Variants in TNFAIP1 observed in about 807,000 individuals in gnomAD.
TNFAIP1 encodes TNF alpha induced protein 1.
A neutral mutation model predicts 32.6 loss-of-function variants in TNFAIP1; 20 were observed. The ratio of observed to expected loss-of-function variants is 0.61; its 90% CI spans 0.43 to 0.89. The LOEUF (loss-of-function observed/expected upper bound fraction) is 0.89, where lower values mean the gene tolerates loss of function less well. Ranked by LOEUF, TNFAIP1 falls within the 40% of genes least tolerant of loss-of-function variation. TNFAIP1 has a pLI of 0.00. For missense variants in TNFAIP1, 319 were observed against 425.1 expected, an observed-to-expected ratio of 0.75 and a Z score of 2.20; for synonymous variants, 166 against 166.8, an observed-to-expected ratio of 1.00 and a Z score of 0.04.
At chr17:28,339,011 G>A (rs1555577729) in intron 1 of TNFAIP1, among the ~76,000 whole-genome samples, 4 of 150,190 alleles carry the variant, frequency 2.7e-5, no homozygotes, top group African/African-American at 4.9e-5. Context: ...TGGGCGGATC[G>A]CCTGCGCTCA....
At position 28,342,547 on chromosome 17, in the gene TNFAIP1, C is replaced by T. The variant is rs936839597; in HGVS notation, c.714+105C>T. The T allele has an allele frequency of 8.5e-7, 1 of 1,181,562 alleles. No homozygotes were observed. Among genetic ancestry groups the T allele is most frequent in the Non-Finnish European group, 1.1e-6 (1 of 871,256 alleles). 73.2% of individuals were successfully genotyped at this position (1,181,562 alleles called of 1,614,324 possible). ...CGGAGCAAAAGGGGCATGGACTTGG[C>T]TCTTTTTTCCAAACACGGTAATGGT... On this transcript the variant is annotated intron_variant, in intron 6 of 6. Transcript: ENST00000226225. This position sits in a 1 kb window ranked among gnomAD's most constrained non-coding sequence, Gnocchi z 4.0.
Position 28,344,877 on chromosome 17 carries a change from A to C in TNFAIP1, c.*277A>C. The C allele has an allele frequency of 2.0e-6, 1 of 500,634 alleles. No individual in the cohort carries two copies. The highest frequency in any genetic ancestry group is 3.6e-6 in the Non-Finnish European group (1 of 274,184). The allele number at this position is 500,634 out of a possible 1,614,324, so 31.0% of individuals were successfully genotyped here. On this transcript the variant is annotated 3_prime_UTR_variant, in exon 7 of 7. Transcript: ENST00000226225. ...TCTGCTCCCTGGGGCATATGGACTG[A>C]CCCACCTCCTGCTGAGAACCTTCCC...
chr17:28,344,644 T>C lies in TNFAIP1; in HGVS notation c.*44T>C. ...AGGGCACGGGAGGCCCTATCTCCCA[T>C]CCTGTGGAACCCGCCCCATTGGCCA... On this transcript the variant is annotated 3_prime_UTR_variant, in exon 7 of 7. Transcript: ENST00000226225. 6.3e-7 allele frequency: 1 copy of C among 1,590,916 alleles called. No individual in the cohort carries two copies. The highest frequency in any genetic ancestry group is 8.6e-7 in the Non-Finnish European group (1 of 1,167,488).
chr17:28,341,177 C>A (rs3093721), intron 3 of TNFAIP1, 60 bp from the exon 4 acceptor site: 34 of 1,591,558 alleles, frequency 2.1e-5, no homozygotes, highest in Non-Finnish European at 2.8e-5. Flanking sequence ...CAGAGGTATA[C>A]CTCGATAAGC....
chr17:28,338,527 C>G (rs941093957), intron 1 of TNFAIP1, among the ~76,000 whole-genome samples: 9 of 152,080 alleles, frequency 5.9e-5, no homozygotes, highest in African/African-American at 1.7e-4. Context: ...GCCGGCACCC[C>G]CGACCCTGGC....
chr17:28,342,439 C>A lies in TNFAIP1; in HGVS notation c.711C>A (p.Thr237=), dbSNP rs1555578319. ...TGTATGCCACGGAGAAGAAGCAGAC[C>A]AAGGTGTGGGGGATTGCCCCTGCCT... ...SIVYATEKKQ[T]KVEFPEARIY... is the part of the protein sequence containing the mutation. The change falls in exon 6 of 7, where the codon ACC becomes ACA. Residue 237 remains threonine, a synonymous_variant. Transcript: ENST00000226225. The surrounding 1 kb of genome is among the most constrained non-coding windows in gnomAD (Gnocchi z 4.0). 6.3e-7 allele frequency: 1 copy of A among 1,580,394 alleles called. No individual in the cohort carries two copies. The highest frequency in any genetic ancestry group is 1.1e-5 in the South Asian group (1 of 89,768).
Position 28,340,500 on chromosome 17 carries a change from G to A in TNFAIP1, c.375+22G>A, listed in dbSNP as rs1907326611. ...GCAGGTACATGGGTGGGGCGGAGCA[G>A]GGCGGGCAGATGAGGTCAGGAGTTG... On this transcript the variant is annotated intron_variant, in intron 3 of 6. Transcript: ENST00000226225. The surrounding 1 kb of genome is among the most constrained non-coding windows in gnomAD (Gnocchi z 4.1). 6.2e-7 allele frequency: 1 copy of A among 1,612,238 alleles called. No individual in the cohort carries two copies. Among genetic ancestry groups the A allele is most frequent in the African/African-American group, 1.3e-5 (1 of 74,892 alleles).
At chr17:28,344,305 A>G in intron 6 of TNFAIP1, 59 bp from the exon 7 acceptor site, 4 of 1,493,268 alleles carry the variant, frequency 2.7e-6, no homozygotes, top group Non-Finnish European at 3.7e-6. Context: ...AGCCGCTCTG[A>G]CGCATGGCTT....
rs1555577831 is a variant in TNFAIP1 at position 28,339,611 on chromosome 17, C to A, written c.90C>A (p.Val30=). ...GAGGAGGGTTGGGCAACAAGTATGTCCAGCTCAACGTGGGCGGCTCTCTGT... is the reference window on the plus strand; with the variant it reads ...GAGGAGGGTTGGGCAACAAGTATGTACAGCTCAACGTGGGCGGCTCTCTGT... The part of the protein sequence containing the change: ...FKGGGLGNKY[V]QLNVGGSLYY... Residue 30 remains valine, a synonymous_variant, in exon 2 of 7, where the codon GTC becomes GTA. Transcript: ENST00000226225. 1 of 1,614,020 alleles carries A rather than the reference C, an allele frequency of 6.2e-7. No homozygotes were observed.
rs893101838 is a variant in TNFAIP1 at position 28,344,843 on chromosome 17, G to A, written c.*243G>A. On this transcript the variant is annotated 3_prime_UTR_variant, in exon 7 of 7. Coordinates refer to ENST00000226225, the MANE Select transcript of TNFAIP1 (RefSeq NM_021137.5). ...CTCACCATCACCCTTCCTGCCCGACGGAGCTGCTTCTGCTCCCTGGGGCAT... is the reference window on the plus strand; with the variant it reads ...CTCACCATCACCCTTCCTGCCCGACAGAGCTGCTTCTGCTCCCTGGGGCAT... The A allele has an allele frequency of 1.6e-5, 9 of 555,466 alleles. No homozygotes were observed. The highest frequency in any genetic ancestry group is 3.8e-5 in the African/African-American group (2 of 53,066). 34.4% of individuals were successfully genotyped at this position (555,466 alleles called of 1,614,324 possible). A position where few individuals can be genotyped will look rare whatever the true frequency, so the allele number is the denominator to read the frequency against.
At chr17:28,341,769 C>T (rs1907370132) in intron 5 of TNFAIP1, among the ~76,000 whole-genome samples, 1 of 152,144 alleles carries the variant, frequency 6.6e-6, no homozygotes, top group African/African-American at 2.4e-5. Flanking sequence ...AGCTGGGAGT[C>T]CCCCAAGCCA....
Position 28,342,378 on chromosome 17 carries a change from G to A in TNFAIP1, c.650G>A (p.Gly217Asp). 6.2e-7 allele frequency: 1 copy of A among 1,606,204 alleles called. No individual in the cohort carries two copies. The highest frequency in any genetic ancestry group is 8.5e-7 in the Non-Finnish European group (1 of 1,173,266). The change falls in exon 6 of 7, where the codon GGC becomes GAC. Residue 217 changes from glycine to aspartate, a missense_variant. Physicochemically the swap from Gly to Asp is moderately conservative, Grantham distance 94. Transcript: ENST00000226225. This position sits in a 1 kb window ranked among gnomAD's most constrained non-coding sequence, Gnocchi z 4.0. ...TGCTGCTGGTCCTTTTATGGCCAGG[G>A]CCGTAAGCTGGCAGAGGTGTGCTGT... ...EICCWSFYGQ[G>D]RKLAEVCCTS...
Position 28,340,248 on chromosome 17 carries a change from T to C in TNFAIP1, c.206-61T>C, listed in dbSNP as rs1334329070. 1 of 1,578,470 alleles carries C rather than the reference T, an allele frequency of 6.3e-7. No homozygotes were observed. The highest frequency in any genetic ancestry group is 8.7e-7 in the Non-Finnish European group (1 of 1,155,580). On this transcript the variant is annotated intron_variant, in intron 2 of 6. Transcript: ENST00000226225. This position sits in a 1 kb window ranked among gnomAD's most constrained non-coding sequence, Gnocchi z 4.1. The stretch of plus-strand genomic sequence containing the variant: ...CCTGCCGCCAGCTTGTCAGGTGGCC[T>C]TTGCCTGCCTCGGAGGTACCTGGCG...
At chr17:28,341,153 T>C (rs1907347508) in intron 3 of TNFAIP1, 84 bp from the exon 4 acceptor site, 1 of 1,461,906 alleles carries the variant, frequency 6.8e-7, no homozygotes, top group East Asian at 2.3e-5. Context: ...CGGGTGGCCA[T>C]GGCAGAGGGG....
chr17:28,340,894 G>A lies in TNFAIP1; in HGVS notation c.376-343G>A, dbSNP rs1197119581. Among the ~76,000 whole-genome samples the A allele has an allele frequency of 3.9e-5, 6 of 152,220 alleles. No individual in the cohort carries two copies. Among genetic ancestry groups the A allele is most frequent in the Non-Finnish European group, 8.8e-5 (6 of 68,014 alleles). The stretch of plus-strand genomic sequence containing the variant: ...AGAGTAGCTGGGAATGCCAGCATGC[G>A]CCATGGCACCCAGCTAATCTTTGTA... On this transcript the variant is annotated intron_variant, in intron 3 of 6. Coordinates refer to ENST00000226225, the MANE Select transcript of TNFAIP1 (RefSeq NM_021137.5). The surrounding 1 kb of genome is among the most constrained non-coding windows in gnomAD (Gnocchi z 4.1).
In TNFAIP1 at chr17:28,345,291, G is replaced by C. The variant is rs1907514992; in HGVS notation, c.*691G>C. 1 of 150,388 alleles carries C rather than the reference G, an allele frequency of 6.6e-6. No homozygotes were observed. The allele number at this position is 150,388 out of a possible 1,614,324, so 9.3% of individuals were successfully genotyped here. A position where few individuals can be genotyped will look rare whatever the true frequency, so the allele number is the denominator to read the frequency against. On this transcript the variant is annotated 3_prime_UTR_variant, in exon 7 of 7. Coordinates refer to ENST00000226225, the MANE Select transcript of TNFAIP1 (RefSeq NM_021137.5). Reference sequence around the variant, plus strand: ...TCAATCTGAGGGAGGGGATAAAGAGGAAGCAATAAAAAAAAAACATCCGAC... The same window carrying C: ...TCAATCTGAGGGAGGGGATAAAGAGCAAGCAATAAAAAAAAAACATCCGAC...
chr17:28,337,463 G>GGCTCAAGCAGTCATCCCACCTCAGCC (rs1907219403), intron 1 of TNFAIP1, among the ~76,000 whole-genome samples: 1 of 152,062 alleles, frequency 6.6e-6, no homozygotes, highest in Admixed American at 6.6e-5. Context: ...GACTTTCCCA[G>GGCTCAAGCAGTCATCCCACCTCAGCC]GCTCAAGCAG....
At chr17:28,343,065 C>G (rs1907422494) in intron 6 of TNFAIP1, among the ~76,000 whole-genome samples, 1 of 152,102 alleles carries the variant, frequency 6.6e-6, no homozygotes, top group Admixed American at 6.5e-5. Flanking sequence ...GTCCCAAGTA[C>G]TCAGGAGGCT....
chr17:28,338,723 AGTCTGGGATCCTGGGAAC>A (rs1597793183), intron 1 of TNFAIP1, among the ~76,000 whole-genome samples: 1 of 152,086 alleles, frequency 6.6e-6, no homozygotes, highest in East Asian at 1.9e-4. Flanking sequence ...TTTGGTTGGA[AGTCTGGGATCCTGGGAAC>A]CTTGACAAGA....
Sources: gnomAD v4.1 joint callset for allele counts (sites outside exome capture counted in the v4.1 genomes callset) on GRCh38, gnomAD v4.1.1 for gene constraint, Gnocchi (gnomAD v3.1) non-coding constraint, MANE v1.5 for transcripts, NCBI Gene and HGNC (gene_info 2026-07-23, HGNC 2026-07-21) for gene names.